LYSMD1: variants seen among roughly 807,000 people sequenced by gnomAD.
The protein encoded by LYSMD1 is LysM domain containing 1.
In LYSMD1, 9 loss-of-function variants were observed where a neutral mutation model predicts 19.3. The ratio of observed to expected loss-of-function variants is 0.47; its 90% confidence interval spans 0.28 to 0.81. LYSMD1 has a LOEUF of 0.81. LYSMD1 is among the 40% of genes least tolerant of loss of function. LYSMD1 has a pLI of 0.11. For missense variants in LYSMD1, 262 were observed against 279.8 expected (o/e 0.94, Z 0.45); for synonymous variants, 111 against 111.7 (o/e 0.99, Z 0.04).
Position 151,161,864 on chromosome 1 carries a change from G to A in LYSMD1, c.417C>T (p.Pro139=). The A allele has an allele frequency of 6.2e-7, 1 of 1,614,072 alleles. No homozygotes were observed. Among genetic ancestry groups the A allele is most frequent in the South Asian group, 1.1e-5 (1 of 91,074 alleles). ...GCGTGGGGGTTTCCTGGCCAGGTGT[G>A]GGGAGGACTTCACCATTGGCACGTC... ...GAGRANGEVL[P]TPGQETPTPI... The change falls in exon 2 of 3, where the codon CCC becomes CCT. Residue 139 remains proline, a synonymous_variant. Transcript: ENST00000368908.
downstream of LYSMD1, chr1:151,158,890 A>G (rs770186621): frequency 6.2e-7 from 1 of 1,614,198 alleles, no homozygotes; most frequent in Non-Finnish European, 8.5e-7. Context: ...GGACCTGATC[A>G]AAGTGGCCAT....
rs1290485584 is a variant in LYSMD1, at chr1:151,165,143, C to A, written c.116G>T (p.Arg39Leu). ...QSACSPVRER[R>L]LEHQLEPGDT... ...TCCGGGCTCCAACTGATGCTCCAGG[C>A]GTCTTTCCCTCACTGGGGAGCAGGC... The change falls in exon 1 of 3, where the codon CGC (arginine) becomes CTC (leucine). Residue 39 changes from arginine (R) to leucine (L), a missense_variant. Coordinates refer to ENST00000368908, the MANE Select transcript of LYSMD1 (RefSeq NM_212551.5). The A allele has an allele frequency of 1.9e-6, 3 of 1,614,194 alleles. No individual in the cohort carries two copies. The highest frequency in any genetic ancestry group is 8.5e-7 in the Non-Finnish European group (1 of 1,180,028).
the LYSMD1 span, among the ~76,000 whole-genome samples, chr1:151,152,529 G>A: frequency 2.0e-5 from 3 of 150,538 alleles, no homozygotes; most frequent in Non-Finnish European, 3.0e-5. Flanking sequence ...GTGAAACCCC[G>A]TCTCTACTAA....
downstream of LYSMD1, among the ~76,000 whole-genome samples, chr1:151,157,824 G>C (rs1311240535): frequency 1.3e-5 from 2 of 152,184 alleles, no homozygotes; most frequent in African/African-American, 4.8e-5. Context: ...CTCCTATTAG[G>C]ATTCCTGGGA....
downstream of LYSMD1, among the ~76,000 whole-genome samples, chr1:151,156,052 A>G (rs1263645958): frequency 1.4e-5 from 2 of 140,202 alleles, no homozygotes; most frequent in African/African-American, 5.3e-5. Flanking sequence ...GTGAGCCGAG[A>G]TCACCCCATT....
chr1:151,152,519 G>A, the LYSMD1 span, among the ~76,000 whole-genome samples: 2 of 151,454 alleles, frequency 1.3e-5, no homozygotes, highest in Non-Finnish European at 2.9e-5. Context: ...GGCCAACATA[G>A]TGAAACCCCG....
rs745942132 is a variant in LYSMD1 at position 151,165,302 on chromosome 1, C to A, written c.-44G>T. Reference sequence around the variant, plus strand: ...GCTAAGGTTGCAACTAGGGGAGGTACGACCGAGACTGCGACTGACAGGCCT... The same window carrying A: ...GCTAAGGTTGCAACTAGGGGAGGTAAGACCGAGACTGCGACTGACAGGCCT... On this transcript the variant is annotated 5_prime_UTR_variant, in exon 1 of 3. Coordinates refer to ENST00000368908, the MANE Select transcript of LYSMD1 (RefSeq NM_212551.5). 6.3e-6 allele frequency: 10 copies of A among 1,586,832 alleles called. No homozygotes were observed. Among genetic ancestry groups the A allele is most frequent in the South Asian group, 1.1e-5 (1 of 88,478 alleles).
downstream of LYSMD1, among the ~76,000 whole-genome samples, chr1:151,158,326 A>G (rs1267464950): frequency 1.3e-5 from 2 of 151,400 alleles, no homozygotes; most frequent in Non-Finnish European, 3.0e-5. Flanking sequence ...CCGTCTCAAA[A>G]AAAAAAAAAA....
chr1:151,165,762 C>T lies in LYSMD1; in HGVS notation c.-504G>A. ...TGTAGTACACCTTCCACTCAGAGATCCTCAAAGGTCCGCTCCGCATAAGAT... is the reference window on the plus strand; with the variant it reads ...TGTAGTACACCTTCCACTCAGAGATTCTCAAAGGTCCGCTCCGCATAAGAT... On this transcript the variant is annotated 5_prime_UTR_variant, in exon 1 of 3. Transcript: ENST00000368908. 6.4e-7 allele frequency: 1 copy of T among 1,551,706 alleles called. No individual in the cohort carries two copies.
At chr1:151,164,568 T>C (rs1018571381) in intron 1 of LYSMD1, among the ~76,000 whole-genome samples, 3 of 152,168 alleles carry the variant, frequency 2.0e-5, no homozygotes, top group South Asian at 2.1e-4. Flanking sequence ...AGGCAGAGCA[T>C]TGAGGAGGAA....
At position 151,162,037 on chromosome 1, in the gene LYSMD1, G is replaced by T. The variant is rs1013300211; in HGVS notation, c.244C>A (p.Leu82Ile). The T allele has an allele frequency of 6.2e-7, 1 of 1,612,994 alleles. No individual in the cohort carries two copies. The highest frequency in any genetic ancestry group is 8.5e-7 in the Non-Finnish European group (1 of 1,179,796). The change falls in exon 2 of 3, where the codon CTC becomes ATC. Residue 82 changes from leucine (L) to isoleucine (I), a missense_variant. Leu to Ile is a conservative substitution (Grantham distance 5). Coordinates refer to ENST00000368908, the MANE Select transcript of LYSMD1 (RefSeq NM_212551.5). ...TNDSIFLKKT[L>I]YIPILTEPRD... is the part of the protein sequence containing the mutation. ...GGCTCTGTCAGGATGGGGATGTAGA[G>T]GGTTTTCTTCAGGAAGATGGAGTCA...
chr1:151,154,749 G>A (rs1337212783), downstream of LYSMD1, among the ~76,000 whole-genome samples: 2 of 151,986 alleles, frequency 1.3e-5, no homozygotes, highest in Non-Finnish European at 2.9e-5. Context: ...TGGTTCAAGC[G>A]AATCTCCTGC....
chr1:151,161,858 A>T lies in LYSMD1; in HGVS notation c.423T>A (p.Pro141=), dbSNP rs879033634. ...GRANGEVLPT[P]GQETPTPIHD... is the part of the protein sequence containing the mutation. ...GGATGGGCGTGGGGGTTTCCTGGCC[A>T]GGTGTGGGGAGGACTTCACCATTGG... Residue 141 remains proline, a synonymous_variant, in exon 2 of 3, where the codon CCT becomes CCA. Coordinates refer to ENST00000368908, the MANE Select transcript of LYSMD1 (RefSeq NM_212551.5). The T allele has an allele frequency of 6.2e-7, 1 of 1,613,868 alleles. No individual in the cohort carries two copies. The highest frequency in any genetic ancestry group is 8.5e-7 in the Non-Finnish European group (1 of 1,179,958).
rs1481452188 is a variant in LYSMD1, at chr1:151,165,439, G to A, written c.-181C>T. On this transcript the variant is annotated 5_prime_UTR_variant, in exon 1 of 3. Transcript: ENST00000368908. ...CCCTCCCGGTTTCTCCTCCCTCCAA[G>A]CTACTTATCCACAAATCTGTCCCTT... 1.4e-6 allele frequency: 2 copies of A among 1,429,582 alleles called. No individual in the cohort carries two copies. Among genetic ancestry groups the A allele is most frequent in the African/African-American group, 1.5e-5 (1 of 68,608 alleles). The allele number at this position is 1,429,582 out of a possible 1,614,324, so 88.6% of individuals were successfully genotyped here. A position where few individuals can be genotyped will look rare whatever the true frequency, so the allele number is the denominator to read the frequency against.
Position 151,162,082 on chromosome 1 carries a change from C to G in LYSMD1, c.199G>C (p.Ala67Pro). The change falls in exon 2 of 3, where the codon GCA (alanine) becomes CCA (proline). Residue 67 changes from alanine to proline, a missense_variant. By Grantham distance (27) the Ala-to-Pro change is conservative. Transcript: ENST00000368908. ...GAGTCATTAGTATAAAGGCGGTTTG[C>G]ACGTTTAATCTGTTCCATCTTAAAA... Reference protein sequence around the residue: ...YGVTMEQIKRANRLYTNDSIF... With the variant: ...YGVTMEQIKRPNRLYTNDSIF... 1.3e-6 allele frequency: 2 copies of G among 1,593,498 alleles called. No homozygotes were observed. Among genetic ancestry groups the G allele is most frequent in the Non-Finnish European group, 1.7e-6 (2 of 1,175,774 alleles).
At chr1:151,156,136 A>T (rs1683216584), downstream of LYSMD1, among the ~76,000 whole-genome samples, 1 of 147,630 alleles carries the variant, frequency 6.8e-6, no homozygotes, top group Non-Finnish European at 1.5e-5. Context: ...AAGGCAACTC[A>T]GTAGGCTTGT....
Position 151,162,086 on chromosome 1 carries a change from T to C in LYSMD1, c.195A>G (p.Lys65=). The C allele has an allele frequency of 6.3e-7, 1 of 1,590,706 alleles. No homozygotes were observed. Among genetic ancestry groups the C allele is most frequent in the East Asian group, 2.2e-5 (1 of 44,798 alleles). The change falls in exon 2 of 3, where the codon AAA becomes AAG. Residue 65 remains lysine (K), a synonymous_variant. Transcript: ENST00000368908. ...LKYGVTMEQI[K]RANRLYTNDS... is the part of the protein sequence containing the mutation. ...CATTAGTATAAAGGCGGTTTGCACG[T>C]TTAATCTGTTCCATCTTAAAAAAAA...
At chr1:151,161,390 G>A (rs940375103) in intron 2 of LYSMD1, among the ~76,000 whole-genome samples, 8 of 152,026 alleles carry the variant, frequency 5.3e-5, no homozygotes, top group East Asian at 3.9e-4. Context: ...CCAGCTACTC[G>A]GGAGGCTGAG....
At position 151,165,579 on chromosome 1, in the gene LYSMD1, C is replaced by G. The variant is rs183001941; in HGVS notation, c.-321G>C. 129 of 1,487,426 alleles carry G rather than the reference C, an allele frequency of 8.7e-5. No homozygotes were observed. The African/African-American group carries it at 1.6e-3, about 19-fold the overall frequency. 92.1% of individuals were successfully genotyped at this position (1,487,426 alleles called of 1,614,324 possible). Reference sequence around the variant, plus strand: ...TGAACTCTAGAAATAATCCTCAACACTCTTTCCTCAGTTTGCCCCCAAGTA... The same window carrying G: ...TGAACTCTAGAAATAATCCTCAACAGTCTTTCCTCAGTTTGCCCCCAAGTA... On this transcript the variant is annotated 5_prime_UTR_variant, in exon 1 of 3. Coordinates refer to ENST00000368908, the MANE Select transcript of LYSMD1 (RefSeq NM_212551.5).
Sources: allele counts gnomAD v4.1 joint callset (sites outside exome capture counted in the v4.1 genomes callset), GRCh38; gene constraint gnomAD v4.1.1; transcripts MANE v1.5; gene names NCBI Gene and HGNC (gene_info 2026-07-23, HGNC 2026-07-21).